Variants in BRINP1 observed in about 807,000 individuals in gnomAD.
BRINP1 encodes the protein BMP/retinoic acid inducible neural specific 1, also known as BMP/retinoic acid-inducible neural-specific protein 1.
Under a neutral mutation model 72.9 loss-of-function variants are expected in BRINP1, and 17 were observed. The observed-to-expected ratio is 0.23, with a 90% CI of 0.16 to 0.35. The LOEUF is 0.35. BRINP1 is among the 10% of genes least tolerant of loss of function. The pLI, the probability that BRINP1 is intolerant of heterozygous loss-of-function variation, is 1.00. For missense variants in BRINP1, 850 were observed against 1,001.6 expected (o/e 0.85, Z 2.04); for synonymous variants, 418 against 378.5 (o/e 1.10, Z -1.21).
chr9:119,355,315 G>A (rs1831550058), intron 1 of BRINP1, among the ~76,000 whole-genome samples: 1 of 152,254 alleles, frequency 6.6e-6, no homozygotes, highest in Non-Finnish European at 1.5e-5. Context: ...AATGTCATAA[G>A]TGCCATTTAT....
rs186094545 is a variant in BRINP1, at chr9:119,304,262, G to A, written c.218+8876C>T. Reference sequence around the variant, plus strand: ...CTTATTTTGCAGATGGAGAAATTGAGGCTCACATGGTTTAAGCAACGTGCC... The same window carrying A: ...CTTATTTTGCAGATGGAGAAATTGAAGCTCACATGGTTTAAGCAACGTGCC... On this transcript the variant is annotated intron_variant, in intron 2 of 7. Transcript: ENST00000265922. Among the ~76,000 whole-genome samples the A allele has an allele frequency of 1.1e-4, 17 of 152,262 alleles. No individual in the cohort carries two copies. In the East Asian group the frequency reaches 3.3e-3, roughly 29 times the overall value.
intron 5 of BRINP1, among the ~76,000 whole-genome samples, chr9:119,223,977 C>CT (rs992179292): frequency 1.1e-4 from 17 of 151,900 alleles, no homozygotes; most frequent in South Asian, 4.2e-4. Flanking sequence ...AACTTTATCT[C>CT]TTTTTTTTGC....
At chr9:119,267,473 A>G (rs1013855773) in intron 2 of BRINP1, among the ~76,000 whole-genome samples, 1 of 150,872 alleles carries the variant, frequency 6.6e-6, no homozygotes, top group Non-Finnish European at 1.5e-5. Context: ...CATCTCTACT[A>G]AAAAAAACAA....
chr9:119,262,320 T>A (rs537785565), intron 2 of BRINP1, among the ~76,000 whole-genome samples: 41 of 152,190 alleles, frequency 2.7e-4, no homozygotes, highest in Middle Eastern at 3.4e-3. Context: ...TAAGCAAGAT[T>A]CTGCCAATAT....
intron 2 of BRINP1, among the ~76,000 whole-genome samples, chr9:119,285,579 C>T (rs1278248661): frequency 1.3e-5 from 2 of 152,120 alleles, no homozygotes; most frequent in African/African-American, 2.4e-5. Context: ...TCAACATAAC[C>T]CTTAATCTAA....
At position 119,167,092 on chromosome 9, in the gene BRINP1, G is replaced by A; in HGVS notation, c.2278C>T (p.Leu760Phe). Residue 760 changes from leucine to phenylalanine, a missense_variant, in exon 8 of 8, where the codon CTC becomes TTC. By Grantham distance (22) the Leu-to-Phe change is conservative (BLOSUM62 0). Transcript: ENST00000265922. This position sits in a 1 kb window ranked among gnomAD's most constrained non-coding sequence, Gnocchi z 4.3. ...LKQSDQMTAK[L>F]C ...TGGCAAGGAGTCCCGGGTTAGCAGA[G>A]TTTGGCTGTCATCTGGTCCGACTGT... 1 of 1,600,536 alleles carries A rather than the reference G, an allele frequency of 6.2e-7. No individual in the cohort carries two copies. The highest frequency in any genetic ancestry group is 8.5e-7 in the Non-Finnish European group (1 of 1,171,014).
intron 5 of BRINP1, among the ~76,000 whole-genome samples, chr9:119,228,432 A>G (rs569061338): frequency 6.6e-6 from 1 of 152,168 alleles, no homozygotes; most frequent in East Asian, 1.9e-4. Context: ...CTAATCTAAT[A>G]GAAAAGATAG....
chr9:119,218,064 C>T (rs10283853), intron 5 of BRINP1, among the ~76,000 whole-genome samples: 15,879 of 151,938 alleles, frequency 0.1, 1,054 homozygotes, highest in African/African-American at 0.19. Context: ...TGTTTTATTT[C>T]TAATAGTTTT....
intron 6 of BRINP1, among the ~76,000 whole-genome samples, chr9:119,213,296 G>A (rs1314246327): frequency 2.0e-5 from 3 of 152,130 alleles, no homozygotes; most frequent in South Asian, 4.1e-4. Flanking sequence ...AAACTCAAAT[G>A]TCCATGAAGG....
At chr9:119,169,998 G>C (rs950324631) in intron 7 of BRINP1, among the ~76,000 whole-genome samples, 1 of 152,092 alleles carries the variant, frequency 6.6e-6, no homozygotes, top group Admixed American at 6.5e-5. Flanking sequence ...CATCATCAAA[G>C]ACCAAAAGTA....
intron 7 of BRINP1, among the ~76,000 whole-genome samples, chr9:119,178,775 G>T (rs1308395646): frequency 2.0e-5 from 3 of 152,160 alleles, no homozygotes; most frequent in African/African-American, 7.2e-5. Context: ...TCTGAATGTG[G>T]AGTACCTTTG....
intron 7 of BRINP1, among the ~76,000 whole-genome samples, chr9:119,200,888 C>T (rs1451270328): frequency 6.6e-6 from 1 of 151,786 alleles, no homozygotes; most frequent in Non-Finnish European, 1.5e-5. Flanking sequence ...AGGAGCAGCC[C>T]ATGTGAATCC....
chr9:119,224,277 T>C (rs992210233), intron 5 of BRINP1, among the ~76,000 whole-genome samples: 3 of 152,092 alleles, frequency 2.0e-5, no homozygotes, highest in Non-Finnish European at 4.4e-5. Flanking sequence ...ACTTTTATAA[T>C]AGTAGAGGAG....
chr9:119,172,277 A>G (rs868090402), intron 7 of BRINP1, among the ~76,000 whole-genome samples: 4 of 149,018 alleles, frequency 2.7e-5, no homozygotes, highest in South Asian at 4.2e-4. Flanking sequence ...AAATAGACGC[A>G]ATAAAAAATG....
At chr9:119,274,811 A>G (rs1348360760) in intron 2 of BRINP1, among the ~76,000 whole-genome samples, 2 of 152,214 alleles carry the variant, frequency 1.3e-5, no homozygotes, top group African/African-American at 4.8e-5. Flanking sequence ...CACAGAGAGT[A>G]AATGCAGCAC....
intron 7 of BRINP1, among the ~76,000 whole-genome samples, chr9:119,194,437 T>C (rs929596204): frequency 1.3e-5 from 2 of 151,902 alleles, no homozygotes; most frequent in Admixed American, 1.3e-4. Context: ...GTAACGGTGA[T>C]GAGATAGCAC....
At chr9:119,359,297 A>T (rs555397434) in intron 1 of BRINP1, among the ~76,000 whole-genome samples, 2 of 152,252 alleles carry the variant, frequency 1.3e-5, no homozygotes, top group South Asian at 4.1e-4. Context: ...TGGCCCACAT[A>T]ATCCTCCTGC....
At chr9:119,259,150 A>G (rs1473718614) in intron 2 of BRINP1, among the ~76,000 whole-genome samples, 1 of 152,216 alleles carries the variant, frequency 6.6e-6, no homozygotes, top group Non-Finnish European at 1.5e-5. Flanking sequence ...TTTCACAAAG[A>G]CATTCTGATA....
At position 119,227,613 on chromosome 9, in the gene BRINP1, A is replaced by T. The variant is rs928791700; in HGVS notation, c.685+11042T>A. On this transcript the variant is annotated intron_variant, in intron 5 of 7. Coordinates refer to ENST00000265922, the MANE Select transcript of BRINP1 (RefSeq NM_014618.3). Reference sequence around the variant, plus strand: ...CCATTAGTGCCTCCAGGTCCCTGCTAACTGGACAAGAGAGGCTGTAGGCAT... The same window carrying T: ...CCATTAGTGCCTCCAGGTCCCTGCTTACTGGACAAGAGAGGCTGTAGGCAT... Among the ~76,000 whole-genome samples, 6 of 152,058 alleles carry T rather than the reference A, an allele frequency of 3.9e-5. No homozygotes were observed. The East Asian group carries it at 1.2e-3, about 29-fold the overall frequency.
Sources: allele counts gnomAD v4.1 joint callset (sites outside exome capture counted in the v4.1 genomes callset), GRCh38; gene constraint gnomAD v4.1.1; non-coding constraint Gnocchi (gnomAD v3.1); transcripts MANE v1.5; gene names NCBI Gene and HGNC (gene_info 2026-07-23, HGNC 2026-07-21).